Variants in SLC6A9 observed in about 807,000 individuals in gnomAD.
SLC6A9 encodes solute carrier family 6 member 9.
A neutral mutation model predicts 70.9 loss-of-function variants in SLC6A9; 31 were observed. The ratio of observed to expected loss-of-function variants is 0.44; its 90% CI spans 0.33 to 0.59. The LOEUF (loss-of-function observed/expected upper bound fraction) is 0.59. Among genes scored for constraint, SLC6A9 ranks in the 20% least tolerant of loss-of-function variants. The pLI is 0.04. For synonymous variants in SLC6A9, 310 were observed against 341.3 expected (o/e 0.91, Z 1.01); for missense variants, 631 against 845.2 (o/e 0.75, Z 3.14).
At chr1:44,015,872 G>C (rs748438779) in intron 2 of SLC6A9, 1 of 985,388 alleles carries the variant, frequency 1.0e-6, no homozygotes, top group African/African-American at 1.7e-5. Flanking sequence ...AATCTCCCCC[G>C]GGCCGAGCAG....
At chr1:44,023,207 C>T (rs1571915909) in intron 2 of SLC6A9, among the ~76,000 whole-genome samples, 1 of 152,140 alleles carries the variant, frequency 6.6e-6, no homozygotes, top group African/African-American at 2.4e-5. Flanking sequence ...CCCCGGCAGC[C>T]GTCCAGTCTA....
rs556388883 is a variant in SLC6A9 at position 44,000,156 on chromosome 1, C to T, written c.1536+611G>A. Among the ~76,000 whole-genome samples, 9 of 152,348 alleles carry T rather than the reference C, an allele frequency of 5.9e-5. No homozygotes were observed. The East Asian group carries it at 1.5e-3, about 26-fold the overall frequency. On this transcript the variant is annotated intron_variant, in intron 12 of 13. Transcript: ENST00000372310. ...CCTTGGAGAGCTCTATCACGGGTTA[C>T]ATGGGAATGGTGTGTGGAAAGTGCC...
In SLC6A9 at chr1:44,008,495, G is replaced by T. The variant is rs1383598926; in HGVS notation, c.448C>A (p.Pro150Thr). The T allele has an allele frequency of 3.7e-6, 6 of 1,614,062 alleles. No individual in the cohort carries two copies. In the African/African-American group the frequency reaches 6.7e-5, roughly 18 times the overall value. ...CCGGCGCAGTCATGCGTGTTCCAGG[G>T]GTTATTGCAGTAGGCCCAGGGCAGC... Reference protein sequence around the residue: ...HVLPWAYCNNPWNTHDCAGVL... With the variant: ...HVLPWAYCNNTWNTHDCAGVL... Residue 150 changes from proline to threonine, a missense_variant, in exon 5 of 14, where the codon CCC (proline) becomes ACC (threonine). Coordinates refer to ENST00000372310, the MANE Select transcript of SLC6A9 (RefSeq NM_001024845.3).
intron 1 of SLC6A9, among the ~76,000 whole-genome samples, chr1:44,030,884 C>T (rs1005322878): frequency 6.6e-6 from 1 of 152,132 alleles, no homozygotes; most frequent in Non-Finnish European, 1.5e-5. Flanking sequence ...CTGCAGGCCC[C>T]CAGAGCGCAG....
rs201934576 is a variant in SLC6A9, at chr1:43,997,334, C to T, written c.*211G>A. On this transcript the variant is annotated 3_prime_UTR_variant, in exon 14 of 14. Transcript: ENST00000372310. The surrounding 1 kb of genome is among the most constrained non-coding windows in gnomAD (Gnocchi z 4.4). ...TCCCAGCAACCCTCCACTCCCACCCCTCCCCCCAGCTGCTATCTTGGCATC... is the reference window on the plus strand; with the variant it reads ...TCCCAGCAACCCTCCACTCCCACCCTTCCCCCCAGCTGCTATCTTGGCATC... 2 of 576,336 alleles carry T rather than the reference C, an allele frequency of 3.5e-6. No homozygotes were observed. The highest frequency in any genetic ancestry group is 6.1e-6 in the Non-Finnish European group (2 of 327,454). 35.7% of individuals were successfully genotyped at this position (576,336 alleles called of 1,614,324 possible).
Position 44,013,436 on chromosome 1 carries a change from T to G in SLC6A9, c.31-2554A>C, listed in dbSNP as rs1181868567. Among the ~76,000 whole-genome samples the G allele has an allele frequency of 6.6e-6, 1 of 152,220 alleles. No homozygotes were observed. The highest frequency in any genetic ancestry group is 2.4e-5 in the African/African-American group (1 of 41,466). The stretch of plus-strand genomic sequence containing the variant: ...ACTGCTCCGTTAATGAGCCGTGTGC[T>G]AACCAGCTTAGCCGTGCGGGCTGTA... On this transcript the variant is annotated intron_variant, in intron 2 of 13. Transcript: ENST00000372310. This position sits in a 1 kb window ranked among gnomAD's most constrained non-coding sequence, Gnocchi z 5.3.
chr1:43,998,983 G>GT (rs1553160174), intron 12 of SLC6A9, among the ~76,000 whole-genome samples: 1 of 9,168 alleles, frequency 1.1e-4, no homozygotes, highest in Non-Finnish European at 4.5e-4. Context: ...GGCGGGGGAA[G>GT]GGGGGGGGCA....
rs199609625 is a variant in SLC6A9, at chr1:44,011,761, C to T, written c.31-879G>A. The T allele has an allele frequency of 3.4e-5, 54 of 1,603,844 alleles. No individual in the cohort carries two copies. In the East Asian group the frequency reaches 5.4e-4, roughly 16 times the overall value. On this transcript the variant is annotated intron_variant, in intron 2 of 13. Coordinates refer to ENST00000372310, the MANE Select transcript of SLC6A9 (RefSeq NM_001024845.3). ...GGCCGAAGGTCAGGAGAGGCAGATGCGGGGATTTGCCCCAGGGAAGAATGT... is the reference window on the plus strand; with the variant it reads ...GGCCGAAGGTCAGGAGAGGCAGATGTGGGGATTTGCCCCAGGGAAGAATGT...
chr1:44,014,090 G>A (rs1557686766), intron 2 of SLC6A9, among the ~76,000 whole-genome samples: 3 of 152,012 alleles, frequency 2.0e-5, no homozygotes, highest in Admixed American at 1.3e-4. Context: ...CCCATGGATG[G>A]GCTCTGCTCC....
chr1:43,997,703 C>A lies in SLC6A9; in HGVS notation c.1744G>T (p.Gly582Cys), dbSNP rs1298204235. ...KNATKPSRDW[G>C]PALLEHRTGR... ...GTCCGGTGCTCCAGGAGGGCAGGGC[C>A]CCAGTCTCTGCTTGGCTTTGTGGCA... Residue 582 changes from glycine (G) to cysteine (C), a missense_variant, in exon 14 of 14, where the codon GGC (glycine) becomes TGC (cysteine). Physicochemically the swap from Gly to Cys is radical, Grantham distance 159. Coordinates refer to ENST00000372310, the MANE Select transcript of SLC6A9 (RefSeq NM_001024845.3). This position sits in a 1 kb window ranked among gnomAD's most constrained non-coding sequence, Gnocchi z 4.4. The A allele has an allele frequency of 6.2e-7, 1 of 1,609,820 alleles. No homozygotes were observed. The highest frequency in any genetic ancestry group is 2.2e-5 in the East Asian group (1 of 44,836).
chr1:44,009,019 CTTTT>C (rs35340201), intron 4 of SLC6A9, among the ~76,000 whole-genome samples: 1 of 71,818 alleles, frequency 1.4e-5, no homozygotes, highest in African/African-American at 6.6e-5. Flanking sequence ...CGCGCCCGGC[CTTTT>C]TTTTTTTTTT....
rs71307650 is a variant in SLC6A9 at position 44,022,722 on chromosome 1, C to CT, written c.30+1525dup. Among the ~76,000 whole-genome samples the CT allele has an allele frequency of 1.4e-3, 163 of 118,952 alleles. 1 individual carries two copies. In the East Asian group the frequency reaches 0.014, roughly 10 times the overall value. 78.0% of individuals were successfully genotyped at this position (118,952 alleles called of 152,430 possible). A position where few individuals can be genotyped will look rare whatever the true frequency, so the allele number is the denominator to read the frequency against. On this transcript the variant is annotated intron_variant, in intron 2 of 13. Transcript: ENST00000372310. ...TTTTTCTTTCTTTCTTTCTTTCTTT[C>CT]TTTTTTTTTTTTTTGAGACAGAGCC... is the stretch of plus-strand genomic sequence containing the variant.
chr1:43,998,502 T>C (rs558166047), intron 12 of SLC6A9, among the ~76,000 whole-genome samples: 3 of 152,328 alleles, frequency 2.0e-5, no homozygotes, highest in African/African-American at 7.2e-5. Context: ...TCTTCCTCTG[T>C]CAAACCCTAT....
At position 43,997,411 on chromosome 1, in the gene SLC6A9, T is replaced by C; in HGVS notation, c.*134A>G. 1 of 744,216 alleles carries C rather than the reference T, an allele frequency of 1.3e-6. No homozygotes were observed. The allele number at this position is 744,216 out of a possible 1,614,324, so 46.1% of individuals were successfully genotyped here. ...TGAGCATGAATGACTGCACTAGCAG[T>C]GGTGACCAAGGTGACAGCAGCCGTC... On this transcript the variant is annotated 3_prime_UTR_variant, in exon 14 of 14. Coordinates refer to ENST00000372310, the MANE Select transcript of SLC6A9 (RefSeq NM_001024845.3). This position sits in a 1 kb window ranked among gnomAD's most constrained non-coding sequence, Gnocchi z 4.4.
intron 2 of SLC6A9, 107 bp downstream of exon 2, chr1:44,024,141 G>A: frequency 8.6e-7 from 1 of 1,156,458 alleles, no homozygotes; most frequent in South Asian, 1.2e-5. Flanking sequence ...GCACTCAGGA[G>A]CCCTGGCAGT....
intron 5 of SLC6A9, among the ~76,000 whole-genome samples, chr1:44,008,119 C>T (rs1038020589): frequency 9.9e-5 from 15 of 151,688 alleles, no homozygotes; most frequent in East Asian, 1.9e-4. Flanking sequence ...CTGCCCGCCT[C>T]GGCCTCCCAA....
intron 12 of SLC6A9, among the ~76,000 whole-genome samples, chr1:43,998,861 C>T (rs1345131317): frequency 1.3e-5 from 2 of 152,162 alleles, no homozygotes; most frequent in Non-Finnish European, 2.9e-5. Flanking sequence ...TCTAGGGAAC[C>T]TCCTTGGAAA....
intron 3 of SLC6A9, 155 bp from the exon 4 acceptor site, chr1:44,010,251 A>C (rs376641563): frequency 1.4e-5 from 9 of 656,934 alleles, no homozygotes; most frequent in Middle Eastern, 3.2e-4. Context: ...GAGGCACACC[A>C]CCCCCAGCCT....
At chr1:44,007,267 C>T (rs1383952874) in intron 5 of SLC6A9, among the ~76,000 whole-genome samples, 3 of 152,208 alleles carry the variant, frequency 2.0e-5, no homozygotes, top group Non-Finnish European at 4.4e-5. Flanking sequence ...CTGTGATTAG[C>T]AATCTGTCTC....
Sources: gnomAD v4.1 joint callset for allele counts (sites outside exome capture counted in the v4.1 genomes callset) on GRCh38, gnomAD v4.1.1 for gene constraint, Gnocchi (gnomAD v3.1) non-coding constraint, MANE v1.5 for transcripts, NCBI Gene and HGNC (gene_info 2026-07-23, HGNC 2026-07-21) for gene names.